TRIP4: variants seen among roughly 807,000 people sequenced by gnomAD.
TRIP4 encodes the protein activating signal cointegrator 1.
TRIP4 carries 54 observed loss-of-function variants against 81.8 expected under a neutral mutation model. That is an observed-to-expected ratio of 0.66 (90% CI 0.53 to 0.83). TRIP4 has a LOEUF of 0.83. Ranked by LOEUF, TRIP4 falls within the 40% of genes least tolerant of loss-of-function variation. The probability of loss-of-function intolerance (pLI) is 0.00; values close to 1 mark genes in which losing one functional copy is unlikely to be tolerated. For missense variants in TRIP4, 662 were observed against 683.6 expected (o/e 0.97, Z 0.35); for synonymous variants, 270 against 242.8 (o/e 1.11, Z -1.04).
chr15:64,391,970 CAAAAAAAA>C (rs35193532), intron 1 of TRIP4, among the ~76,000 whole-genome samples: 5 of 23,246 alleles, frequency 2.2e-4, no homozygotes, highest in African/African-American at 8.8e-4. Flanking sequence ...GACTCTGTCT[CAAAAAAAA>C]AAAAAAAAAA....
At chr15:64,426,690 ACT>A (rs1388716233) in intron 11 of TRIP4, among the ~76,000 whole-genome samples, 2 of 87,818 alleles carry the variant, frequency 2.3e-5, no homozygotes, top group African/African-American at 4.3e-5. Flanking sequence ...ACAGAGTGAG[ACT>A]CTGTCTCAAA....
chr15:64,430,150 C>G (rs1319355921), intron 11 of TRIP4, among the ~76,000 whole-genome samples: 4 of 152,202 alleles, frequency 2.6e-5, no homozygotes, highest in Non-Finnish European at 5.9e-5. Flanking sequence ...TTCTCCTGAG[C>G]CATGAACTAG....
Position 64,425,682 on chromosome 15 carries a change from C to G in TRIP4, c.1575+51C>G, listed in dbSNP as rs767344591. ...TAGAGACAGGGTTTCGCCATGTTGGCCAGGCTGGTCTTGAAAGCACTTTAA... is the reference window on the plus strand; with the variant it reads ...TAGAGACAGGGTTTCGCCATGTTGGGCAGGCTGGTCTTGAAAGCACTTTAA... On this transcript the variant is annotated intron_variant, in intron 11 of 12. Transcript: ENST00000261884. 5 of 1,498,090 alleles carry G rather than the reference C, an allele frequency of 3.3e-6. No individual in the cohort carries two copies. In the South Asian group the frequency reaches 5.9e-5, roughly 18 times the overall value. The allele number at this position is 1,498,090 out of a possible 1,614,324, so 92.8% of individuals were successfully genotyped here. A position where few individuals can be genotyped will look rare whatever the true frequency, so the allele number is the denominator to read the frequency against.
In TRIP4 at chr15:64,409,695, G is replaced by T; in HGVS notation, c.910G>T (p.Glu304Ter). Residue 304 changes from glutamate to a stop codon, truncating the protein, a stop_gained, in exon 7 of 13, where the codon GAA (glutamate) becomes TAA (stop). Transcript: ENST00000261884. LOFTEE classifies it high-confidence loss of function. ...CCAATGGTTGTCCAAACTTGAGCGG[G>T]AAACCTTGCAGAAGCGAGAGGAGGA... is the stretch of plus-strand genomic sequence containing the variant. ...SNQWLSKLER[E>*]TLQKREEELR... is the part of the protein sequence containing the mutation. The T allele has an allele frequency of 6.2e-7, 1 of 1,614,142 alleles. No individual in the cohort carries two copies. Among genetic ancestry groups the T allele is most frequent in the South Asian group, 1.1e-5 (1 of 91,086 alleles).
chr15:64,400,688 G>T, intron 4 of TRIP4, 55 bp from the exon 5 acceptor site: 1 of 1,400,244 alleles, frequency 7.1e-7, no homozygotes, highest in Non-Finnish European at 1.0e-6. Context: ...GATATATCAA[G>T]AAAGCAATAT....
In TRIP4 at chr15:64,455,013, G is replaced by A. The variant is rs746108802; in HGVS notation, c.1695G>A (p.Lys565=). 1 of 1,613,956 alleles carries A rather than the reference G, an allele frequency of 6.2e-7. No individual in the cohort carries two copies. The highest frequency in any genetic ancestry group is 1.1e-5 in the South Asian group (1 of 91,078). ...CCCTTACAGGGAAATTGGATTCCAA[G>A]ATCCATCAAGGAGCAAAGAAGGGGT... The part of the protein sequence containing the change: ...GNPKIWKLDS[K]IHQGAKKGLM... The change falls in exon 13 of 13, where the codon AAG becomes AAA. Residue 565 remains lysine (K), a synonymous_variant. Transcript: ENST00000261884.
intron 3 of TRIP4, among the ~76,000 whole-genome samples, chr15:64,395,794 G>A (rs1294418870): frequency 1.3e-5 from 2 of 150,106 alleles, no homozygotes; most frequent in African/African-American, 4.9e-5. Flanking sequence ...AGTCTGGAGT[G>A]CAGTGGTGCG....
chr15:64,447,378 CTCAAACTATA>C (rs1323031111), intron 12 of TRIP4, among the ~76,000 whole-genome samples: 1 of 152,180 alleles, frequency 6.6e-6, no homozygotes, highest in Non-Finnish European at 1.5e-5. Flanking sequence ...AGAAGTACTT[CTCAAACTATA>C]ATGTAACTAA....
In TRIP4 at chr15:64,394,120, G is replaced by T; in HGVS notation, c.271+5G>T. On this transcript the variant is annotated splice_donor_5th_base_variant and intron_variant, in intron 2 of 12. Transcript: ENST00000261884. Reference sequence around the variant, plus strand: ...AGCAGTGCTTCAAAAAAGATGGTAAGTTAATGTAATTATGCAAATGTTGAA... The same window carrying T: ...AGCAGTGCTTCAAAAAAGATGGTAATTTAATGTAATTATGCAAATGTTGAA... 1 of 1,577,164 alleles carries T rather than the reference G, an allele frequency of 6.3e-7. No individual in the cohort carries two copies. Among genetic ancestry groups the T allele is most frequent in the Non-Finnish European group, 8.6e-7 (1 of 1,161,612 alleles).
At chr15:64,420,131 T>C (rs1364646389) in intron 9 of TRIP4, among the ~76,000 whole-genome samples, 3 of 150,644 alleles carry the variant, frequency 2.0e-5, no homozygotes, top group Non-Finnish European at 4.4e-5. Context: ...TTCTTTTTTT[T>C]TTTTTTTGAG....
rs897076408 is a variant in TRIP4 at position 64,400,749 on chromosome 15, A to G, written c.625A>G (p.Thr209Ala). The G allele has an allele frequency of 1.9e-6, 3 of 1,613,542 alleles. No homozygotes were observed. The highest frequency in any genetic ancestry group is 1.1e-5 in the South Asian group (1 of 91,062). Residue 209 changes from threonine to alanine, a missense_variant, in exon 5 of 13, where the codon ACT (threonine) becomes GCT (alanine). Coordinates refer to ENST00000261884, the MANE Select transcript of TRIP4 (RefSeq NM_016213.5). ...PCLFCGTLVC[T>A]HEEQDILQRD... Reference sequence around the variant, plus strand: ...TACTCTTACTATTTTACAGGTGTGTACTCATGAGGAACAAGATATTTTACA... The same window carrying G: ...TACTCTTACTATTTTACAGGTGTGTGCTCATGAGGAACAAGATATTTTACA...
chr15:64,453,987 G>A (rs545166942), intron 12 of TRIP4, among the ~76,000 whole-genome samples: 2 of 152,284 alleles, frequency 1.3e-5, no homozygotes, highest in African/African-American at 2.4e-5. Flanking sequence ...TGGGTCTTCT[G>A]ATTTTTAGTC....
At chr15:64,388,135 G>A (rs1320555445) in intron 1 of TRIP4, 171 bp downstream of exon 1, 3 of 1,196,010 alleles carry the variant, frequency 2.5e-6, no homozygotes, top group Admixed American at 3.7e-5. Flanking sequence ...TTAGTTTCTG[G>A]AATAGGGTGT....
chr15:64,392,721 C>A (rs1900171146), intron 1 of TRIP4, among the ~76,000 whole-genome samples: 1 of 152,044 alleles, frequency 6.6e-6, no homozygotes, highest in Non-Finnish European at 1.5e-5. Flanking sequence ...CTCAAAGGAT[C>A]CTTCCACCTC....
intron 5 of TRIP4, among the ~76,000 whole-genome samples, chr15:64,406,115 G>T (rs1891616185): frequency 6.6e-6 from 1 of 152,168 alleles, no homozygotes. Flanking sequence ...AGGAAGAAAA[G>T]ATCCCTGCCA....
intron 5 of TRIP4, among the ~76,000 whole-genome samples, chr15:64,402,819 C>CCCCTATT (rs1891541331): frequency 6.6e-6 from 1 of 152,060 alleles, no homozygotes; most frequent in Admixed American, 6.6e-5. Flanking sequence ...AGCCACCGCA[C>CCCCTATT]TTGGTCAGTT....
intron 7 of TRIP4, among the ~76,000 whole-genome samples, chr15:64,412,728 T>A (rs1891796339): frequency 6.6e-6 from 1 of 152,186 alleles, no homozygotes; most frequent in African/African-American, 2.4e-5. Context: ...CAATTATTAT[T>A]GTTATCCACA....
At chr15:64,449,395 C>G (rs1892704044) in intron 12 of TRIP4, among the ~76,000 whole-genome samples, 1 of 150,828 alleles carries the variant, frequency 6.6e-6, no homozygotes, top group Non-Finnish European at 1.5e-5. Flanking sequence ...AGACAGGGGT[C>G]TCACTGTGTT....
chr15:64,442,833 C>T (rs1892548087), intron 11 of TRIP4, among the ~76,000 whole-genome samples: 1 of 151,232 alleles, frequency 6.6e-6, no homozygotes, highest in Non-Finnish European at 1.5e-5. Context: ...ACTAAAAATA[C>T]AAAATTAGCT....
Sources: gnomAD v4.1 joint callset for allele counts (sites outside exome capture counted in the v4.1 genomes callset) on GRCh38, gnomAD v4.1.1 for gene constraint, MANE v1.5 for transcripts, NCBI Gene and HGNC (gene_info 2026-07-23, HGNC 2026-07-21) for gene names.